Variants in KPNA3 observed in about 807,000 individuals in gnomAD.
KPNA3 encodes karyopherin subunit alpha 3.
Under a neutral mutation model 73.8 loss-of-function variants are expected in KPNA3, and 13 were observed. The observed-to-expected ratio is 0.18, with a 90% CI of 0.11 to 0.28. The LOEUF is 0.28. Ranked by LOEUF, KPNA3 falls within the 10% of genes least tolerant of loss-of-function variation. The pLI is 1.00. For missense variants in KPNA3, 360 were observed against 618.1 expected, an observed-to-expected ratio of 0.58 and a Z score of 4.43; for synonymous variants, 186 against 206.9, an observed-to-expected ratio of 0.90 and a Z score of 0.87.
At chr13:49,759,947 A>G (rs1307966065) in intron 1 of KPNA3, among the ~76,000 whole-genome samples, 1 of 152,196 alleles carries the variant, frequency 6.6e-6, no homozygotes, top group African/African-American at 2.4e-5. Flanking sequence ...TGGTGATGTC[A>G]ACATAACAGA....
chr13:49,739,764 G>A (rs1215524370), intron 2 of KPNA3, among the ~76,000 whole-genome samples: 1 of 152,304 alleles, frequency 6.6e-6, no homozygotes, highest in South Asian at 2.1e-4. Context: ...ACAAAAAAAG[G>A]TGGGGAGGTG....
At chr13:49,768,567 A>AT (rs67753113) in intron 1 of KPNA3, among the ~76,000 whole-genome samples, 47 of 64,882 alleles carry the variant, frequency 7.2e-4, no homozygotes, top group African/African-American at 1.4e-3. Flanking sequence ...GGGTTAATCA[A>AT]TTTTTTTTTT....
At chr13:49,762,018 TGAA>T (rs1414862665) in intron 1 of KPNA3, among the ~76,000 whole-genome samples, 1 of 80,380 alleles carries the variant, frequency 1.2e-5, no homozygotes, top group Non-Finnish European at 2.7e-5. Context: ...GCCCCGTCTG[TGAA>T]GTGAGGAGCC....
At chr13:49,720,689 G>T (rs926227103) in intron 9 of KPNA3, among the ~76,000 whole-genome samples, 1 of 142,822 alleles carries the variant, frequency 7.0e-6, no homozygotes, top group East Asian at 2.1e-4. Context: ...CAAAGATTGT[G>T]CCACTGCACT....
rs114156443 is a variant in KPNA3 at position 49,768,654 on chromosome 13, T to A, written c.70-21661A>T. Among the ~76,000 whole-genome samples the A allele has an allele frequency of 7.9e-3, 1,187 of 150,264 alleles. 16 individuals carry two copies. Among genetic ancestry groups the A allele is most frequent in the African/African-American group, 0.028 (1,140 of 40,914 alleles). On this transcript the variant is annotated intron_variant, in intron 1 of 16. Transcript: ENST00000261667. ...TAGGTTCATCTTTTAATTTTGAGATTTCTCACTAGGGATCACAACTGTGAC... is the reference window on the plus strand; with the variant it reads ...TAGGTTCATCTTTTAATTTTGAGATATCTCACTAGGGATCACAACTGTGAC...
At chr13:49,702,334 T>C in intron 16 of KPNA3, 52 bp downstream of exon 16, 1 of 931,100 alleles carries the variant, frequency 1.1e-6, no homozygotes, top group Middle Eastern at 2.3e-4. Flanking sequence ...ATTTACATCA[T>C]GTATAGGTTT....
intron 1 of KPNA3, among the ~76,000 whole-genome samples, chr13:49,782,700 G>A (rs1457683302): frequency 4.6e-5 from 7 of 151,918 alleles, no homozygotes; most frequent in African/African-American, 1.2e-4. Flanking sequence ...ACAACACGGC[G>A]AAACCCTGTC....
chr13:49,704,186 C>A (rs905988463), intron 15 of KPNA3, among the ~76,000 whole-genome samples: 2 of 152,104 alleles, frequency 1.3e-5, no homozygotes, highest in Non-Finnish European at 2.9e-5. Flanking sequence ...CTTTGGGAAG[C>A]CGAGGCGGGC....
intron 1 of KPNA3, among the ~76,000 whole-genome samples, chr13:49,777,338 C>T (rs187175007): frequency 4.6e-5 from 7 of 152,264 alleles, no homozygotes. Flanking sequence ...ATACAGGTTC[C>T]AGGACCTCCT....
chr13:49,760,524 T>C (rs1304300260), intron 1 of KPNA3, among the ~76,000 whole-genome samples: 1 of 151,066 alleles, frequency 6.6e-6, no homozygotes, highest in African/African-American at 2.4e-5. Context: ...TAAGAGACCA[T>C]AAATTAAAAA....
intron 1 of KPNA3, among the ~76,000 whole-genome samples, chr13:49,778,153 T>C (rs80332465): frequency 1.3e-5 from 2 of 152,220 alleles, no homozygotes; most frequent in African/African-American, 2.4e-5. Flanking sequence ...TGGGTAGAGA[T>C]TGTTAAATCA....
In KPNA3 at chr13:49,719,830, AAAAT is replaced by A. The variant is rs1300538852; in HGVS notation, c.727-15_727-12del. On this transcript the variant is annotated splice_polypyrimidine_tract_variant and intron_variant, in intron 9 of 16. Coordinates refer to ENST00000261667, the MANE Select transcript of KPNA3 (RefSeq NM_002267.4). ...TAAAGCTGGCAAAATCTGAGGAAAG[AAAAT>A]AAACAATACTTAACATTAGTTAATT... is the stretch of plus-strand genomic sequence containing the variant. 1 of 1,522,392 alleles carries A rather than the reference AAAAT, an allele frequency of 6.6e-7. No individual in the cohort carries two copies. Among genetic ancestry groups the A allele is most frequent in the East Asian group, 2.3e-5 (1 of 44,208 alleles). The allele number at this position is 1,522,392 out of a possible 1,614,324, so 94.3% of individuals were successfully genotyped here.
chr13:49,709,502 T>C lies in KPNA3; in HGVS notation c.1032+70A>G, dbSNP rs1954239775. 1.3e-5 allele frequency: 17 copies of C among 1,289,216 alleles called. No individual in the cohort carries two copies. The South Asian group carries it at 2.7e-4, about 20-fold the overall frequency. 79.9% of individuals were successfully genotyped at this position (1,289,216 alleles called of 1,614,324 possible). On this transcript the variant is annotated intron_variant, in intron 12 of 16. Coordinates refer to ENST00000261667, the MANE Select transcript of KPNA3 (RefSeq NM_002267.4). Reference sequence around the variant, plus strand: ...TTTAAGAAAAACATACAAGTAGCAATAGAAACAAGGAGACAGTTAAAAATG... The same window carrying C: ...TTTAAGAAAAACATACAAGTAGCAACAGAAACAAGGAGACAGTTAAAAATG...
chr13:49,710,870 G>C (rs1954253928), intron 11 of KPNA3, 21 bp downstream of exon 11: 1 of 1,606,912 alleles, frequency 6.2e-7, no homozygotes, highest in African/African-American at 1.3e-5. Context: ...ATACAAATAA[G>C]AAAAATTTAA....
chr13:49,705,359 CA>C (rs34997868), intron 15 of KPNA3, among the ~76,000 whole-genome samples: 40,271 of 117,034 alleles, frequency 0.34, 5,184 homozygotes, highest in Admixed American at 0.4. Context: ...ATTCTGTCTC[CA>C]AAAAAAAAAA....
chr13:49,762,121 C>T (rs1457803969), intron 1 of KPNA3, among the ~76,000 whole-genome samples: 18 of 115,178 alleles, frequency 1.6e-4, no homozygotes, highest in African/African-American at 5.0e-4. Context: ...GGGCAGCCCC[C>T]GCCCGGCCAG....
chr13:49,774,170 G>C (rs1284045315), intron 1 of KPNA3, among the ~76,000 whole-genome samples: 1 of 151,956 alleles, frequency 6.6e-6, no homozygotes, highest in East Asian at 1.9e-4. Context: ...CTCCCAAAGT[G>C]CTAGGATTAC....
chr13:49,789,463 C>A (rs1405760005), intron 1 of KPNA3, among the ~76,000 whole-genome samples: 1 of 152,084 alleles, frequency 6.6e-6, no homozygotes, highest in Non-Finnish European at 1.5e-5. Context: ...CTTTTATTTT[C>A]TTTAACAAGT....
chr13:49,761,429 C>T (rs1222085702), intron 1 of KPNA3, among the ~76,000 whole-genome samples: 4 of 152,228 alleles, frequency 2.6e-5, no homozygotes, highest in Non-Finnish European at 4.4e-5. Context: ...TTGGTGGAGA[C>T]GGGGTTTCGC....
Sources: allele counts gnomAD v4.1 joint callset (sites outside exome capture counted in the v4.1 genomes callset), GRCh38; gene constraint gnomAD v4.1.1; transcripts MANE v1.5; gene names NCBI Gene and HGNC (gene_info 2026-07-23, HGNC 2026-07-21).